FAM3D: variants seen among roughly 807,000 people sequenced by gnomAD.
The protein encoded by FAM3D is protein FAM3D.
Under a neutral mutation model 29.8 loss-of-function variants are expected in FAM3D, and 26 were observed. That is an observed-to-expected ratio of 0.87 (90% CI 0.64 to 1.21). FAM3D has a LOEUF of 1.21. Ranked by LOEUF, FAM3D falls within the 50% of genes most tolerant of loss-of-function variation. The probability of loss-of-function intolerance (pLI) is 0.00; values close to 1 mark genes in which losing one functional copy is unlikely to be tolerated. For missense variants in FAM3D, 253 were observed against 290.9 expected (o/e 0.87, Z 0.95); for synonymous variants, 115 against 102.3 (o/e 1.12, Z -0.75).
chr3:58,637,290 G>T, intron 7 of FAM3D, 65 bp from the exon 8 acceptor site: 2 of 1,435,022 alleles, frequency 1.4e-6, no homozygotes, highest in Middle Eastern at 2.3e-4. Context: ...TCTCATGCTT[G>T]TCTACTGCCC....
At chr3:58,646,959 G>A (rs964663301) in intron 4 of FAM3D, among the ~76,000 whole-genome samples, 2 of 152,190 alleles carry the variant, frequency 1.3e-5, no homozygotes, top group African/African-American at 4.8e-5. Context: ...GCTTTTAGGT[G>A]AATCAGGAAA....
rs761777108 is a variant in FAM3D, at chr3:58,643,659, C to T, written c.322+3G>A. 3 of 1,613,502 alleles carry T rather than the reference C, an allele frequency of 1.9e-6. No homozygotes were observed. The South Asian group carries it at 3.3e-5, about 18-fold the overall frequency. On this transcript the variant is annotated splice_donor_region_variant and intron_variant, in intron 6 of 9. Coordinates refer to ENST00000358781, the MANE Select transcript of FAM3D (RefSeq NM_138805.3). ...ACTGTCTGGGGATGGATATGCAACTCACCATTCACCAGGGCGATGTTTAGG... is the reference window on the plus strand; with the variant it reads ...ACTGTCTGGGGATGGATATGCAACTTACCATTCACCAGGGCGATGTTTAGG...
Position 58,634,957 on chromosome 3 carries a change from C to T in FAM3D, c.586-589G>A, listed in dbSNP as rs921880055. On this transcript the variant is annotated intron_variant, in intron 9 of 9. Coordinates refer to ENST00000358781, the MANE Select transcript of FAM3D (RefSeq NM_138805.3). This position sits in a 1 kb window ranked among gnomAD's most constrained non-coding sequence, Gnocchi z 4.6. ...TTGGGAGGGTAAGGAAGGAGGGTCA[C>T]TTGAGGCCAGGAGTTCAAGACCAGC... Among the ~76,000 whole-genome samples the T allele has an allele frequency of 6.6e-6, 1 of 152,098 alleles. No homozygotes were observed. The highest frequency in any genetic ancestry group is 1.5e-5 in the Non-Finnish European group (1 of 68,010).
intron 7 of FAM3D, 135 bp downstream of exon 7, chr3:58,639,992 G>T (rs2066282585): frequency 4.6e-6 from 4 of 871,698 alleles, no homozygotes; most frequent in East Asian, 4.8e-5. Flanking sequence ...ACCCCCCACC[G>T]CACCTCTTCC....
intron 1 of FAM3D, among the ~76,000 whole-genome samples, chr3:58,663,958 G>T (rs778382776): frequency 5.9e-5 from 9 of 152,172 alleles, no homozygotes; most frequent in Admixed American, 1.3e-4. Context: ...GGCCTCCTTT[G>T]TGAGGTCCCC....
rs867344447 is a variant in FAM3D, at chr3:58,635,089, C to A, written c.586-721G>T. Among the ~76,000 whole-genome samples, 1 of 152,038 alleles carries A rather than the reference C, an allele frequency of 6.6e-6. No homozygotes were observed. The highest frequency in any genetic ancestry group is 1.5e-5 in the Non-Finnish European group (1 of 68,000). ...ACTCAGGAGGCAGAGGCGGGAGGATCGCTTGAGCCCAGGAGGTCGAGGCTG... is the reference window on the plus strand; with the variant it reads ...ACTCAGGAGGCAGAGGCGGGAGGATAGCTTGAGCCCAGGAGGTCGAGGCTG... On this transcript the variant is annotated intron_variant, in intron 9 of 9. Coordinates refer to ENST00000358781, the MANE Select transcript of FAM3D (RefSeq NM_138805.3). The surrounding 1 kb of genome is among the most constrained non-coding windows in gnomAD (Gnocchi z 5.2).
At chr3:58,664,251 T>G (rs12493131) in intron 1 of FAM3D, among the ~76,000 whole-genome samples, 121,599 of 152,194 alleles carry the variant, frequency 0.8, 49,955 homozygotes, top group Non-Finnish European at 0.9. Context: ...ATAGACACAG[T>G]CAACCCTCCA....
In FAM3D at chr3:58,656,990, C is replaced by T. The variant is rs570776592; in HGVS notation, c.-38-1389G>A. Among the ~76,000 whole-genome samples the T allele has an allele frequency of 1.8e-4, 27 of 152,366 alleles. No homozygotes were observed. The South Asian group carries it at 5.6e-3, about 32-fold the overall frequency. ...TAACAGTCCTCCCACCACCCTGATCCTACTCCTCTAGGGCCTTCCAGATTA... is the reference window on the plus strand; with the variant it reads ...TAACAGTCCTCCCACCACCCTGATCTTACTCCTCTAGGGCCTTCCAGATTA... On this transcript the variant is annotated intron_variant, in intron 1 of 9. Transcript: ENST00000358781.
At chr3:58,650,391 G>T (rs1206158249) in intron 3 of FAM3D, among the ~76,000 whole-genome samples, 1 of 152,116 alleles carries the variant, frequency 6.6e-6, no homozygotes, top group Admixed American at 6.6e-5. Flanking sequence ...ATACATAGTT[G>T]GTGGGGGCAG....
At chr3:58,659,920 C>T (rs902696025) in intron 1 of FAM3D, among the ~76,000 whole-genome samples, 4 of 152,144 alleles carry the variant, frequency 2.6e-5, no homozygotes, top group South Asian at 2.1e-4. Flanking sequence ...CTCATTATCC[C>T]GGGAAATTCT....
At chr3:58,636,519 A>C in intron 8 of FAM3D, 99 bp from the exon 9 acceptor site, 9 of 1,524,058 alleles carry the variant, frequency 5.9e-6, no homozygotes, top group Non-Finnish European at 8.0e-6. Flanking sequence ...TCTTCTCCCC[A>C]TTCAGCATCT....
intron 1 of FAM3D, among the ~76,000 whole-genome samples, chr3:58,663,330 G>A (rs1398789221): frequency 1.3e-5 from 2 of 152,234 alleles, no homozygotes; most frequent in African/African-American, 4.8e-5. Flanking sequence ...GGCTGTCTGA[G>A]CATAGAACAA....
intron 1 of FAM3D, 24 bp from the exon 2 acceptor site, chr3:58,655,625 C>T (rs57504511): frequency 0.25 from 403,123 of 1,588,602 alleles, 52,768 homozygotes; most frequent in African/African-American, 0.3. Context: ...AAAATCCAGT[C>T]GGAAACTGGC....
In FAM3D at chr3:58,635,588, C is replaced by A. The variant is rs2066141721; in HGVS notation, c.585+706G>T. 6.6e-6 allele frequency among the ~76,000 whole-genome samples: 1 copy of A among 152,220 alleles called. No individual in the cohort carries two copies. The highest frequency in any genetic ancestry group is 1.5e-5 in the Non-Finnish European group (1 of 68,034). On this transcript the variant is annotated intron_variant, in intron 9 of 9. Transcript: ENST00000358781. This position sits in a 1 kb window ranked among gnomAD's most constrained non-coding sequence, Gnocchi z 5.2. ...GCAGCCTCAGACCTCTTGCCTCTTG[C>A]TAGGGCCCTGCTGCAGCACCCCCAC...
chr3:58,639,182 G>T (rs1356443132), intron 7 of FAM3D, among the ~76,000 whole-genome samples: 1 of 152,118 alleles, frequency 6.6e-6, no homozygotes, highest in Non-Finnish European at 1.5e-5. Flanking sequence ...TCATCTGGAC[G>T]GAATGAGGGA....
intron 8 of FAM3D, 45 bp downstream of exon 8, chr3:58,637,096 A>G: frequency 6.5e-7 from 1 of 1,528,372 alleles, no homozygotes. Context: ...GAAGGTATTC[A>G]GTTTGCATCA....
Position 58,634,370 on chromosome 3 carries a change from TAG to T in FAM3D, c.586-4_586-3del. The T allele has an allele frequency of 2.5e-6, 4 of 1,613,330 alleles. No homozygotes were observed. The highest frequency in any genetic ancestry group is 3.4e-6 in the Non-Finnish European group (4 of 1,179,622). On this transcript the variant is annotated splice_region_variant and splice_polypyrimidine_tract_variant and intron_variant, in intron 9 of 9. Coordinates refer to ENST00000358781, the MANE Select transcript of FAM3D (RefSeq NM_138805.3). This position sits in a 1 kb window ranked among gnomAD's most constrained non-coding sequence, Gnocchi z 4.6. Reference sequence around the variant, plus strand: ...TGTGTCTGGGCTGTTCTTTAAGAACTAGAGAGAGAGAAGACAGAGAAATATAG... The same window carrying T: ...TGTGTCTGGGCTGTTCTTTAAGAACTAGAGAGAGAAGACAGAGAAATATAG...
rs536706200 is a variant in FAM3D, at chr3:58,647,949, G to A, written c.145+1366C>T. On this transcript the variant is annotated intron_variant, in intron 4 of 9. Coordinates refer to ENST00000358781, the MANE Select transcript of FAM3D (RefSeq NM_138805.3). ...AAATCAGGAAGTTGGTTTAGATCAG[G>A]GTTGTCAAACAGGTTTCCTCTTAAA... is the stretch of plus-strand genomic sequence containing the variant. Among the ~76,000 whole-genome samples the A allele has an allele frequency of 2.1e-3, 324 of 152,322 alleles. 10 individuals carry two copies. The South Asian group carries it at 0.065, about 31-fold the overall frequency.
chr3:58,655,343 T>C (rs962036448), intron 2 of FAM3D, among the ~76,000 whole-genome samples: 1 of 152,140 alleles, frequency 6.6e-6, no homozygotes, highest in Admixed American at 6.5e-5. Context: ...ATCCCAGCCA[T>C]GTGGGGCCTC....
Sources: allele counts gnomAD v4.1 joint callset (sites outside exome capture counted in the v4.1 genomes callset), GRCh38; gene constraint gnomAD v4.1.1; non-coding constraint Gnocchi (gnomAD v3.1); transcripts MANE v1.5; gene names NCBI Gene and HGNC (gene_info 2026-07-23, HGNC 2026-07-21).